The following NUBPL variants were observed in gnomAD, a reference collection of about 807,000 sequenced individuals.
NUBPL encodes iron-sulfur cluster transfer protein NUBPL.
In NUBPL, 31 loss-of-function variants were observed where a neutral mutation model predicts 45.7. The observed-to-expected ratio is 0.68, with a 90% CI of 0.51 to 0.92. The LOEUF (loss-of-function observed/expected upper bound fraction) is 0.92, where lower values mean the gene tolerates loss of function less well. NUBPL is among the 40% of genes least tolerant of loss of function. The pLI, the probability that NUBPL is intolerant of heterozygous loss-of-function variation, is 0.00. For synonymous variants in NUBPL, 144 were observed against 140.9 expected (o/e 1.02, Z -0.15); for missense variants, 401 against 398.7 (o/e 1.01, Z -0.05).
chr14:31,711,936 G>A (rs972296486), intron 6 of NUBPL, among the ~76,000 whole-genome samples: 4 of 152,126 alleles, frequency 2.6e-5, no homozygotes, highest in East Asian at 1.9e-4. Flanking sequence ...TCGTGGTCTC[G>A]CTGGCTTCAG....
At chr14:31,699,505 G>C (rs576447497) in intron 6 of NUBPL, among the ~76,000 whole-genome samples, 4 of 152,230 alleles carry the variant, frequency 2.6e-5, no homozygotes, top group Admixed American at 1.3e-4. Flanking sequence ...TAAATAACTT[G>C]GGCAGGGTCC....
intron 6 of NUBPL, among the ~76,000 whole-genome samples, chr14:31,711,086 A>G (rs1239675529): frequency 6.6e-6 from 1 of 152,190 alleles, no homozygotes. Flanking sequence ...AAGGGTCAGG[A>G]TAGATAGGAT....
intron 4 of NUBPL, among the ~76,000 whole-genome samples, chr14:31,648,837 T>C (rs552570210): frequency 7.9e-5 from 12 of 152,276 alleles, no homozygotes; most frequent in Admixed American, 2.6e-4. Flanking sequence ...TTTGAGACAG[T>C]CTCGTGTTTT....
At chr14:31,752,067 C>A (rs2038544065) in intron 6 of NUBPL, among the ~76,000 whole-genome samples, 1 of 152,214 alleles carries the variant, frequency 6.6e-6, no homozygotes, top group Non-Finnish European at 1.5e-5. Context: ...TTTTTCCTTC[C>A]TAGGCCTCTG....
chr14:31,782,374 G>A (rs184515859), intron 6 of NUBPL, among the ~76,000 whole-genome samples: 41 of 152,202 alleles, frequency 2.7e-4, no homozygotes, highest in African/African-American at 7.0e-4. Flanking sequence ...CAGCCTGGGC[G>A]ACAGAGCAAG....
At chr14:31,600,564 C>A (rs2034405536) in intron 4 of NUBPL, among the ~76,000 whole-genome samples, 1 of 152,192 alleles carries the variant, frequency 6.6e-6, no homozygotes, top group Non-Finnish European at 1.5e-5. Context: ...ATTAATGTTA[C>A]AACAAAATGA....
At chr14:31,621,035 G>A (rs892237406) in intron 4 of NUBPL, among the ~76,000 whole-genome samples, 10 of 152,264 alleles carry the variant, frequency 6.6e-5, no homozygotes, top group African/African-American at 1.9e-4. Context: ...GCTGAGCTGC[G>A]GTGGGCTCCA....
chr14:31,790,006 A>G (rs1290522607), intron 7 of NUBPL, among the ~76,000 whole-genome samples: 4 of 152,090 alleles, frequency 2.6e-5, no homozygotes, highest in Non-Finnish European at 2.9e-5. Flanking sequence ...TTTTAAAAAA[A>G]TGTGCTTCTG....
intron 3 of NUBPL, among the ~76,000 whole-genome samples, chr14:31,574,147 G>A (rs988136479): frequency 2.0e-5 from 3 of 152,196 alleles, no homozygotes; most frequent in African/African-American, 4.8e-5. Flanking sequence ...TGTTTGAAGC[G>A]CTTAGCACAG....
intron 6 of NUBPL, among the ~76,000 whole-genome samples, chr14:31,691,252 C>T (rs1444516020): frequency 2.0e-5 from 3 of 152,208 alleles, no homozygotes; most frequent in Non-Finnish European, 4.4e-5. Flanking sequence ...TCTGGTGATC[C>T]ACTTCCACTT....
chr14:31,762,784 T>TC (rs957004403), intron 6 of NUBPL, among the ~76,000 whole-genome samples: 27 of 151,566 alleles, frequency 1.8e-4, no homozygotes, highest in Admixed American at 6.6e-4. Context: ...CAGTTAGTCT[T>TC]TTTTTTTTCT....
chr14:31,715,816 T>C (rs1341532559), intron 6 of NUBPL, among the ~76,000 whole-genome samples: 1 of 152,220 alleles, frequency 6.6e-6, no homozygotes, highest in East Asian at 1.9e-4. Flanking sequence ...TAAAAAATTT[T>C]CTTTCTCTCA....
intron 6 of NUBPL, among the ~76,000 whole-genome samples, chr14:31,720,725 T>TA (rs1172036667): frequency 6.6e-6 from 1 of 152,080 alleles, no homozygotes; most frequent in African/African-American, 2.4e-5. Flanking sequence ...TAAAATAAAG[T>TA]AAAAAAAATT....
Position 31,722,281 on chromosome 14 carries a change from AT to A in NUBPL, c.513+48709del, listed in dbSNP as rs2037827558. ...CACCTTGGCCTCCCAAAGTGCTGGGATTACAGGCATAAGCCACCACGCCCGG... is the reference window on the plus strand; with the variant it reads ...CACCTTGGCCTCCCAAAGTGCTGGGATACAGGCATAAGCCACCACGCCCGG... On this transcript the variant is annotated intron_variant, in intron 6 of 10. Coordinates refer to ENST00000281081, the MANE Select transcript of NUBPL (RefSeq NM_025152.3). Among the ~76,000 whole-genome samples, 3 of 152,254 alleles carry A rather than the reference AT, an allele frequency of 2.0e-5. No homozygotes were observed. In the South Asian group the frequency reaches 6.2e-4, roughly 32 times the overall value.
At chr14:31,737,543 G>A (rs2038189725) in intron 6 of NUBPL, among the ~76,000 whole-genome samples, 1 of 152,136 alleles carries the variant, frequency 6.6e-6, no homozygotes, top group South Asian at 2.1e-4. Context: ...AGCACTTTGG[G>A]AGGCCAAGGT....
At chr14:31,736,277 G>T (rs951419040) in intron 6 of NUBPL, among the ~76,000 whole-genome samples, 2 of 152,146 alleles carry the variant, frequency 1.3e-5, no homozygotes, top group Non-Finnish European at 2.9e-5. Flanking sequence ...ACATTAAAAT[G>T]TGTAAAGTGT....
intron 7 of NUBPL, among the ~76,000 whole-genome samples, chr14:31,792,980 A>T (rs2039409858): frequency 6.6e-6 from 1 of 152,218 alleles, no homozygotes; most frequent in Admixed American, 6.5e-5. Flanking sequence ...TGTCAAAATC[A>T]TGTCTGCTCT....
chr14:31,835,427 A>G (rs140608286), intron 8 of NUBPL, among the ~76,000 whole-genome samples: 1 of 152,142 alleles, frequency 6.6e-6, no homozygotes, highest in African/African-American at 2.4e-5. Flanking sequence ...TTAGCTTCAG[A>G]GTTTCCTTCC....
intron 4 of NUBPL, among the ~76,000 whole-genome samples, chr14:31,633,136 T>C (rs1237837911): frequency 1.3e-5 from 2 of 152,200 alleles, no homozygotes; most frequent in Admixed American, 1.3e-4. Flanking sequence ...TTTGCATCTT[T>C]GGCTGTGTAT....
Sources: gnomAD v4.1 joint callset for allele counts (sites outside exome capture counted in the v4.1 genomes callset) on GRCh38, gnomAD v4.1.1 for gene constraint, MANE v1.5 for transcripts, NCBI Gene and HGNC (gene_info 2026-07-23, HGNC 2026-07-21) for gene names.